CCDC61: variants seen among roughly 807,000 people sequenced by gnomAD.
CCDC61 encodes coiled-coil domain containing 61.
CCDC61 carries 55 observed loss-of-function variants against 63.0 expected under a neutral mutation model. The ratio of observed to expected loss-of-function variants is 0.87; its 90% CI spans 0.70 to 1.09. The LOEUF (loss-of-function observed/expected upper bound fraction) is 1.09. Ranked by LOEUF, CCDC61 falls within the 50% of genes least tolerant of loss-of-function variation. The pLI is 0.00. For missense variants in CCDC61, 651 were observed against 731.4 expected, an observed-to-expected ratio of 0.89 and a Z score of 1.27; for synonymous variants, 270 against 317.0, an observed-to-expected ratio of 0.85 and a Z score of 1.58.
chr19:45,996,935 G>A (rs1400257436), intron 1 of CCDC61, among the ~76,000 whole-genome samples: 2 of 152,034 alleles, frequency 1.3e-5, no homozygotes, highest in African/African-American at 2.4e-5. Context: ...GTCAGGTCAG[G>A]TTGTTTCTCC....
At chr19:46,004,086 A>C (rs890208236) in intron 3 of CCDC61, among the ~76,000 whole-genome samples, 5 of 151,274 alleles carry the variant, frequency 3.3e-5, no homozygotes, top group Non-Finnish European at 5.9e-5. Context: ...TTACAGGCGC[A>C]CGCCACCATG....
chr19:46,007,089 T>A (rs1018479225), intron 4 of CCDC61, among the ~76,000 whole-genome samples: 2 of 150,474 alleles, frequency 1.3e-5, no homozygotes, highest in Admixed American at 1.3e-4. Context: ...CACTGTCTCA[T>A]CCAGGCTGGA....
In CCDC61 at chr19:46,016,363, AG is replaced by A. The variant is rs780129950; in HGVS notation, c.1063del (p.Glu355LysfsTer9). The A allele has an allele frequency of 6.8e-6, 11 of 1,613,974 alleles. No homozygotes were observed. In the East Asian group the frequency reaches 2.5e-4, roughly 36 times the overall value. On this transcript the variant is annotated frameshift_variant, in exon 9 of 14. Transcript: ENST00000595358. LOFTEE classifies it high-confidence loss of function. This position sits in a 1 kb window ranked among gnomAD's most constrained non-coding sequence, Gnocchi z 7.2. ...RFDPTAFVKA[K>X]ERKQREIQMK... is the part of the protein sequence containing the mutation. Reference sequence around the variant, plus strand: ...GACCCCACGGCCTTTGTGAAAGCCAAGGAAAGGAAGCAGAGAGAGATCCAGA... The same window carrying A: ...GACCCCACGGCCTTTGTGAAAGCCAAGAAAGGAAGCAGAGAGAGATCCAGA...
At position 46,018,362 on chromosome 19, in the gene CCDC61, T is replaced by C; in HGVS notation, c.1514T>C (p.Met505Thr). ...DARLKALQEYMNRLDMRS is the reference protein window; with the variant it reads ...DARLKALQEYTNRLDMRS ...CGCCTGAAGGCCTTGCAGGAGTACA[T>C]GAACCGACTGGACATGCGGTCATAA... Residue 505 changes from methionine to threonine, a missense_variant, in exon 14 of 14, where the codon ATG (methionine) becomes ACG (threonine). Met to Thr is a moderately conservative substitution (Grantham distance 81, BLOSUM62 -1). Transcript: ENST00000595358. The surrounding 1 kb of genome is among the most constrained non-coding windows in gnomAD (Gnocchi z 4.2). 2 of 1,573,620 alleles carry C rather than the reference T, an allele frequency of 1.3e-6. No homozygotes were observed. The highest frequency in any genetic ancestry group is 8.6e-7 in the Non-Finnish European group (1 of 1,159,910).
At chr19:46,003,839 G>A (rs1352505274) in intron 3 of CCDC61, among the ~76,000 whole-genome samples, 1 of 149,522 alleles carries the variant, frequency 6.7e-6, no homozygotes, top group East Asian at 1.9e-4. Flanking sequence ...GTGTGTGTGT[G>A]TGTGTGTGTG....
chr19:46,010,630 C>T (rs1370736624), intron 5 of CCDC61, among the ~76,000 whole-genome samples: 1 of 152,192 alleles, frequency 6.6e-6, no homozygotes, highest in Non-Finnish European at 1.5e-5. Context: ...AGGAAAGCTC[C>T]TTGTTAGAGA....
Position 46,016,877 on chromosome 19 carries a change from G to T in CCDC61, c.1231+44G>T. The T allele has an allele frequency of 6.7e-7, 1 of 1,498,924 alleles. No homozygotes were observed. Among genetic ancestry groups the T allele is most frequent in the East Asian group, 2.5e-5 (1 of 40,564 alleles). 92.9% of individuals were successfully genotyped at this position (1,498,924 alleles called of 1,614,324 possible). ...GGGGCTGCCGGGCTAGGCGGGACTG[G>T]GCGGGGCTGGGCGGGCTGGGAGGCA... is the stretch of plus-strand genomic sequence containing the variant. On this transcript the variant is annotated intron_variant, in intron 10 of 13. Coordinates refer to ENST00000595358, the MANE Select transcript of CCDC61 (RefSeq NM_001267723.2). This position sits in a 1 kb window ranked among gnomAD's most constrained non-coding sequence, Gnocchi z 7.2.
intron 1 of CCDC61, among the ~76,000 whole-genome samples, chr19:46,002,581 A>AT (rs1447791130): frequency 6.6e-6 from 1 of 151,382 alleles, no homozygotes; most frequent in African/African-American, 2.4e-5. Flanking sequence ...ACACCTGGCA[A>AT]TTTTTTTGTA....
intron 3 of CCDC61, among the ~76,000 whole-genome samples, chr19:46,003,853 G>GTA (rs67022511): frequency 0.12 from 18,151 of 150,560 alleles, 1,393 homozygotes; most frequent in Middle Eastern, 0.23. Flanking sequence ...GTGTGTGTGT[G>GTA]TGTGTGTGTA....
In CCDC61 at chr19:46,018,267, C is replaced by A; in HGVS notation, c.1442-23C>A. On this transcript the variant is annotated intron_variant, in intron 13 of 13. Coordinates refer to ENST00000595358, the MANE Select transcript of CCDC61 (RefSeq NM_001267723.2). This position sits in a 1 kb window ranked among gnomAD's most constrained non-coding sequence, Gnocchi z 4.2. ...GGGGCTTCAGGCCCCTCACAGCCCC[C>A]ATACCCACACCTGCTCTCACAGAGT... The A allele has an allele frequency of 6.4e-7, 1 of 1,557,228 alleles. No individual in the cohort carries two copies. The highest frequency in any genetic ancestry group is 1.2e-5 in the South Asian group (1 of 84,574).
intron 4 of CCDC61, 142 bp from the exon 5 acceptor site, chr19:46,007,998 G>A (rs1600647093): frequency 1.2e-6 from 1 of 825,642 alleles, no homozygotes; most frequent in South Asian, 2.1e-5. Context: ...GAGGGGCCTT[G>A]AGGATGTGCT....
intron 1 of CCDC61, among the ~76,000 whole-genome samples, chr19:45,998,044 G>C (rs1968526180): frequency 6.6e-6 from 1 of 152,208 alleles, no homozygotes; most frequent in Non-Finnish European, 1.5e-5. Flanking sequence ...CCCCACTAGA[G>C]TGTTTGACTC....
intron 5 of CCDC61, among the ~76,000 whole-genome samples, chr19:46,014,524 AT>A: frequency 1.3e-5 from 2 of 152,258 alleles, no homozygotes; most frequent in South Asian, 4.1e-4. Context: ...TTTAACATAC[AT>A]TTTGGTTATT....
At position 46,015,680 on chromosome 19, in the gene CCDC61, C is replaced by G. The variant is rs1968917906; in HGVS notation, c.845+253C>G. On this transcript the variant is annotated intron_variant, in intron 7 of 13. Coordinates refer to ENST00000595358, the MANE Select transcript of CCDC61 (RefSeq NM_001267723.2). This position sits in a 1 kb window ranked among gnomAD's most constrained non-coding sequence, Gnocchi z 5.3. Reference sequence around the variant, plus strand: ...GTTCAGGAGGGACTGGGAAAGGGATCGTGCCCTAGGGTCTCCTGGTGCGAA... The same window carrying G: ...GTTCAGGAGGGACTGGGAAAGGGATGGTGCCCTAGGGTCTCCTGGTGCGAA... 6.6e-6 allele frequency among the ~76,000 whole-genome samples: 1 copy of G among 152,026 alleles called. No individual in the cohort carries two copies. Among genetic ancestry groups the G allele is most frequent in the Non-Finnish European group, 1.5e-5 (1 of 68,008 alleles).
In CCDC61 at chr19:46,008,658, G is replaced by A. The variant is rs557432618; in HGVS notation, c.551+357G>A. Among the ~76,000 whole-genome samples, 79 of 152,180 alleles carry A rather than the reference G, an allele frequency of 5.2e-4. 1 individual carries two copies. The highest frequency in any genetic ancestry group is 3.1e-3 in the South Asian group (15 of 4,820). The stretch of plus-strand genomic sequence containing the variant: ...TCCTGGCCTCAAGTGATCTGCCCGC[G>A]TTGGCCTCCCAAAGTGCTGGGATTA... On this transcript the variant is annotated intron_variant, in intron 5 of 13. Coordinates refer to ENST00000595358, the MANE Select transcript of CCDC61 (RefSeq NM_001267723.2).
At position 46,015,502 on chromosome 19, in the gene CCDC61, TA is replaced by T; in HGVS notation, c.845+77del. The stretch of plus-strand genomic sequence containing the variant: ...GTGTGGAGGCTGATGAGGCGGAGCC[TA>T]AGGGGGCGGGGCGGGGCCAGGTAGG... On this transcript the variant is annotated intron_variant, in intron 7 of 13. Coordinates refer to ENST00000595358, the MANE Select transcript of CCDC61 (RefSeq NM_001267723.2). This position sits in a 1 kb window ranked among gnomAD's most constrained non-coding sequence, Gnocchi z 5.3. 1.1e-6 allele frequency: 1 copy of T among 872,488 alleles called. No individual in the cohort carries two copies. The highest frequency in any genetic ancestry group is 1.4e-6 in the Non-Finnish European group (1 of 699,836). 54.0% of individuals were successfully genotyped at this position (872,488 alleles called of 1,614,324 possible).
In CCDC61 at chr19:46,008,231, C is replaced by G. The variant is rs377161841; in HGVS notation, c.481C>G (p.Arg161Gly). 5 of 1,612,578 alleles carry G rather than the reference C, an allele frequency of 3.1e-6. No individual in the cohort carries two copies. The African/African-American group carries it at 5.3e-5, about 17-fold the overall frequency. ...CCGGTCACTGAAGGAGGAACTGGGC[C>G]GCCTGCAAGGGCTGGATGGCCAGAA... ...IIRSLKEELGRLQGLDGQNTR... is the reference protein window; with the variant it reads ...IIRSLKEELGGLQGLDGQNTR... The change falls in exon 5 of 14, where the codon CGC (arginine) becomes GGC (glycine). Residue 161 changes from arginine (R) to glycine (G), a missense_variant. Physicochemically the swap from Arg to Gly is moderately radical, Grantham distance 125 (BLOSUM62 -2). Coordinates refer to ENST00000595358, the MANE Select transcript of CCDC61 (RefSeq NM_001267723.2).
intron 1 of CCDC61, 45 bp from the exon 2 acceptor site, chr19:46,002,963 T>A: frequency 6.5e-7 from 1 of 1,546,606 alleles, no homozygotes; most frequent in South Asian, 1.2e-5. Flanking sequence ...CTCATGAGCC[T>A]GGGCTCTGAG....
chr19:46,015,947 T>A lies in CCDC61; in HGVS notation c.846-107T>A, dbSNP rs1330221204. On this transcript the variant is annotated intron_variant, in intron 7 of 13. Coordinates refer to ENST00000595358, the MANE Select transcript of CCDC61 (RefSeq NM_001267723.2). This position sits in a 1 kb window ranked among gnomAD's most constrained non-coding sequence, Gnocchi z 5.3. ...GGGCCCAGGAGTGCACGTCTAGGAG[T>A]TGATGGGGTAGGCCTGAGGGTTCGG... 4.1e-5 allele frequency: 40 copies of A among 976,828 alleles called. No individual in the cohort carries two copies. Among genetic ancestry groups the A allele is most frequent in the Non-Finnish European group, 5.1e-5 (39 of 759,886 alleles). 60.5% of individuals were successfully genotyped at this position (976,828 alleles called of 1,614,324 possible).
Sources: allele counts gnomAD v4.1 joint callset (sites outside exome capture counted in the v4.1 genomes callset), GRCh38; gene constraint gnomAD v4.1.1; non-coding constraint Gnocchi (gnomAD v3.1); transcripts MANE v1.5; gene names NCBI Gene and HGNC (gene_info 2026-07-23, HGNC 2026-07-21).